Variants in ELMO1 observed in about 807,000 individuals in gnomAD.
The protein encoded by ELMO1 is engulfment and cell motility protein 1.
Under a neutral mutation model 98.9 loss-of-function variants are expected in ELMO1, and 26 were observed. That is an observed-to-expected ratio of 0.26 (90% CI 0.19 to 0.36). The LOEUF is 0.36. ELMO1 is among the 10% of genes least tolerant of loss of function. The probability of loss-of-function intolerance (pLI) is 1.00; values close to 1 mark genes in which losing one functional copy is unlikely to be tolerated. For synonymous variants in ELMO1, 346 were observed against 346.0 expected (o/e 1.00, Z 0.00); for missense variants, 627 against 935.2 (o/e 0.67, Z 4.30).
In ELMO1 at chr7:37,342,567, A is replaced by G. The variant is rs376097897; in HGVS notation, c.78+46T>C. The G allele has an allele frequency of 6.5e-5, 103 of 1,576,858 alleles. No homozygotes were observed. The East Asian group carries it at 8.1e-4, about 12-fold the overall frequency. ...CCAAAGTCTATGAAAATTCCAGTAT[A>G]GAAAGGAAACTGAAAATAGACACCC... On this transcript the variant is annotated intron_variant, in intron 2 of 21. Coordinates refer to ENST00000310758, the MANE Select transcript of ELMO1 (RefSeq NM_014800.11). This position sits in a 1 kb window ranked among gnomAD's most constrained non-coding sequence, Gnocchi z 4.3.
At chr7:36,919,296 C>T (rs978502612) in intron 16 of ELMO1, 16 of 495,986 alleles carry the variant, frequency 3.2e-5, no homozygotes, top group Admixed American at 1.4e-4. Context: ...CATATAGCAT[C>T]GTGTGAGTCT....
intron 4 of ELMO1, among the ~76,000 whole-genome samples, chr7:37,294,817 C>T (rs1436087220): frequency 6.6e-6 from 1 of 151,958 alleles, no homozygotes; most frequent in Non-Finnish European, 1.5e-5. Context: ...CTGGCCAACA[C>T]AGTGAAACCC....
In ELMO1 at chr7:37,152,054, T is replaced by A. The variant is rs1788401139; in HGVS notation, c.1087-18820A>T. The stretch of plus-strand genomic sequence containing the variant: ...ATGAAGGATGAAAGTATTGGAAATG[T>A]TAGGTAAATAGCATGTGAATGCCAC... On this transcript the variant is annotated intron_variant, in intron 13 of 21. Transcript: ENST00000310758. 2.0e-5 allele frequency among the ~76,000 whole-genome samples: 3 copies of A among 152,212 alleles called. No individual in the cohort carries two copies. The South Asian group carries it at 6.2e-4, about 32-fold the overall frequency.
intron 1 of ELMO1, among the ~76,000 whole-genome samples, chr7:37,441,469 A>G (rs1452731134): frequency 6.6e-6 from 1 of 152,206 alleles, no homozygotes; most frequent in African/African-American, 2.4e-5. Flanking sequence ...GGTCGCACTA[A>G]TGGAATATCA....
intron 12 of ELMO1, among the ~76,000 whole-genome samples, chr7:37,212,529 T>G (rs1793032980): frequency 6.6e-6 from 1 of 152,198 alleles, no homozygotes. Flanking sequence ...CTCCCTGGGA[T>G]GACCACACCT....
chr7:37,367,918 C>T (rs1583635234), intron 1 of ELMO1, among the ~76,000 whole-genome samples: 1 of 152,160 alleles, frequency 6.6e-6, no homozygotes, highest in South Asian at 2.1e-4. Flanking sequence ...AAAACAATCA[C>T]GGATAATAAA....
At position 36,929,928 on chromosome 7, in the gene ELMO1, TA is replaced by T. The variant is rs1232265943; in HGVS notation, c.1438-34912del. 1.1e-4 allele frequency among the ~76,000 whole-genome samples: 16 copies of T among 152,172 alleles called. 1 individual carries two copies. The highest frequency in any genetic ancestry group is 3.6e-4 in the African/African-American group (15 of 41,444). On this transcript the variant is annotated intron_variant, in intron 16 of 21. Coordinates refer to ENST00000310758, the MANE Select transcript of ELMO1 (RefSeq NM_014800.11). Reference sequence around the variant, plus strand: ...CTTCGGGAGCAATTGAGAAAATGAATAGTCTGCTGCTCCATGAGATCCAAGT... The same window carrying T: ...CTTCGGGAGCAATTGAGAAAATGAATGTCTGCTGCTCCATGAGATCCAAGT...
At chr7:37,213,694 G>C (rs1207023041) in intron 11 of ELMO1, among the ~76,000 whole-genome samples, 1 of 152,108 alleles carries the variant, frequency 6.6e-6, no homozygotes, top group Non-Finnish European at 1.5e-5. Flanking sequence ...AGTGGAAGGG[G>C]AAAAGCGCTG....
At chr7:37,133,065 T>C (rs183915011) in intron 14 of ELMO1, 65 bp downstream of exon 14, 113 of 1,309,852 alleles carry the variant, frequency 8.6e-5, no homozygotes, top group Admixed American at 1.3e-4. Context: ...CCCTCCGTAT[T>C]TGTGAGTTTG....
At chr7:37,392,900 A>C (rs1286137244) in intron 1 of ELMO1, among the ~76,000 whole-genome samples, 3 of 152,140 alleles carry the variant, frequency 2.0e-5, no homozygotes, top group Admixed American at 6.6e-5. Flanking sequence ...GCTCCCCTGG[A>C]GCCTGCTGTC....
chr7:36,866,464 T>C (rs1391301004), intron 20 of ELMO1, among the ~76,000 whole-genome samples: 3 of 152,206 alleles, frequency 2.0e-5, no homozygotes, highest in East Asian at 1.9e-4. Flanking sequence ...CCATGCTGAC[T>C]GAGTGGATGA....
At chr7:37,376,410 G>T (rs2131372080) in intron 1 of ELMO1, among the ~76,000 whole-genome samples, 1 of 152,250 alleles carries the variant, frequency 6.6e-6, no homozygotes, top group East Asian at 1.9e-4. Context: ...AAGTCATGTT[G>T]CCAGAAGTTA....
chr7:37,307,485 A>T (rs573626271), intron 4 of ELMO1, among the ~76,000 whole-genome samples: 3 of 152,248 alleles, frequency 2.0e-5, no homozygotes, highest in Non-Finnish European at 4.4e-5. Flanking sequence ...AGTCAATTAA[A>T]CCTCTTTCCT....
chr7:36,957,492 T>A (rs1278586368), intron 16 of ELMO1, among the ~76,000 whole-genome samples: 8 of 152,200 alleles, frequency 5.3e-5, no homozygotes, highest in African/African-American at 1.9e-4. Context: ...TTTATCATCA[T>A]TCTTAGTAAC....
chr7:37,436,784 A>G (rs558437709), intron 1 of ELMO1, among the ~76,000 whole-genome samples: 13 of 152,190 alleles, frequency 8.5e-5, no homozygotes, highest in Non-Finnish European at 1.5e-4. Context: ...TGGCCATAAA[A>G]TGAATTGTCC....
intron 4 of ELMO1, among the ~76,000 whole-genome samples, chr7:37,313,813 G>A (rs930139220): frequency 1.3e-5 from 2 of 152,106 alleles, no homozygotes; most frequent in Non-Finnish European, 2.9e-5. Flanking sequence ...TACTGACTGG[G>A]ACAAAGCCTG....
chr7:37,312,486 G>A (rs1798941452), intron 4 of ELMO1, among the ~76,000 whole-genome samples: 1 of 152,198 alleles, frequency 6.6e-6, no homozygotes, highest in South Asian at 2.1e-4. Flanking sequence ...CCCCAGGGCT[G>A]TTTCTCCCAG....
At chr7:37,261,594 A>T (rs568617118) in intron 5 of ELMO1, among the ~76,000 whole-genome samples, 1 of 151,972 alleles carries the variant, frequency 6.6e-6, no homozygotes, top group East Asian at 1.9e-4. Flanking sequence ...AGCAGCTCTG[A>T]TTGTGTTTTT....
intron 13 of ELMO1, among the ~76,000 whole-genome samples, chr7:37,170,489 G>T (rs527770884): frequency 1.3e-3 from 199 of 152,272 alleles, no homozygotes; most frequent in Non-Finnish European, 2.7e-3. Flanking sequence ...AGTCAGAATT[G>T]TGTTAACATG....
Sources: allele counts gnomAD v4.1 joint callset (sites outside exome capture counted in the v4.1 genomes callset), GRCh38; gene constraint gnomAD v4.1.1; non-coding constraint Gnocchi (gnomAD v3.1); transcripts MANE v1.5; gene names NCBI Gene and HGNC (gene_info 2026-07-23, HGNC 2026-07-21).